Variants in CACNA1D observed in about 807,000 individuals in gnomAD.
CACNA1D encodes calcium voltage-gated channel subunit alpha1 D, also known as voltage-dependent L-type calcium channel subunit alpha-1D.
In CACNA1D, 55 loss-of-function variants were observed where a neutral mutation model predicts 257.1. The observed-to-expected ratio is 0.21, with a 90% CI of 0.17 to 0.27. The LOEUF (loss-of-function observed/expected upper bound fraction) is 0.27, where lower values mean the gene tolerates loss of function less well. CACNA1D is among the 10% of genes least tolerant of loss of function. The probability of loss-of-function intolerance (pLI) is 1.00; values close to 1 mark genes in which losing one functional copy is unlikely to be tolerated. For missense variants in CACNA1D, 1,876 were observed against 2,784.0 expected, an observed-to-expected ratio of 0.67 and a Z score of 7.34; for synonymous variants, 980 against 1,014.9, an observed-to-expected ratio of 0.97 and a Z score of 0.65.
chr3:53,663,777 G>GTCTCTCTC (rs541515346), intron 5 of CACNA1D, among the ~76,000 whole-genome samples: 2,638 of 149,554 alleles, frequency 0.018, 80 homozygotes, highest in African/African-American at 0.061. Flanking sequence ...GGAAATAATC[G>GTCTCTCTC]TCTCTCTCTC....
At chr3:53,535,887 A>G (rs1364228082) in intron 3 of CACNA1D, among the ~76,000 whole-genome samples, 1 of 152,228 alleles carries the variant, frequency 6.6e-6, no homozygotes, top group African/African-American at 2.4e-5. Context: ...CAGAGATAGC[A>G]TCACTTAACC....
At chr3:53,709,225 G>A (rs550167199) in intron 9 of CACNA1D, among the ~76,000 whole-genome samples, 1 of 152,206 alleles carries the variant, frequency 6.6e-6, no homozygotes, top group Non-Finnish European at 1.5e-5. Flanking sequence ...TTCTGTGTGT[G>A]AGACACTGTT....
chr3:53,643,046 T>C (rs2093979202), intron 3 of CACNA1D, among the ~76,000 whole-genome samples: 1 of 152,136 alleles, frequency 6.6e-6, no homozygotes, highest in Non-Finnish European at 1.5e-5. Context: ...ATGAAAGAAC[T>C]GGGAATCAGG....
At chr3:53,578,917 T>TG (rs1267723319) in intron 3 of CACNA1D, among the ~76,000 whole-genome samples, 1 of 152,186 alleles carries the variant, frequency 6.6e-6, no homozygotes, top group Non-Finnish European at 1.5e-5. Context: ...GAGAAGAGGT[T>TG]GGGCCATAGT....
intron 3 of CACNA1D, among the ~76,000 whole-genome samples, chr3:53,561,277 A>G (rs1016790084): frequency 1.3e-5 from 2 of 152,178 alleles, no homozygotes; most frequent in Admixed American, 1.3e-4. Flanking sequence ...CAATAATGGT[A>G]TAGGTCATTG....
At position 53,789,715 on chromosome 3, in the gene CACNA1D, A is replaced by G. The variant is rs2095474164; in HGVS notation, c.4923+2763A>G. Among the ~76,000 whole-genome samples the G allele has an allele frequency of 6.6e-6, 1 of 152,232 alleles. No homozygotes were observed. The highest frequency in any genetic ancestry group is 2.1e-4 in the South Asian group (1 of 4,830). On this transcript the variant is annotated intron_variant, in intron 40 of 47. Coordinates refer to ENST00000350061, the MANE Select transcript of CACNA1D (RefSeq NM_001128840.3). The surrounding 1 kb of genome is among the most constrained non-coding windows in gnomAD (Gnocchi z 4.2). ...TCGCAGTGTGAGCGCAGAAGTGCGGACCTAGGCATGTGCGTGCTTGTGCTG... is the reference window on the plus strand; with the variant it reads ...TCGCAGTGTGAGCGCAGAAGTGCGGGCCTAGGCATGTGCGTGCTTGTGCTG...
At chr3:53,725,722 C>T (rs182841126) in intron 14 of CACNA1D, among the ~76,000 whole-genome samples, 1 of 152,340 alleles carries the variant, frequency 6.6e-6, no homozygotes, top group African/African-American at 2.4e-5. Context: ...TCAGAGCCAT[C>T]AGTAGTGCCT....
At chr3:53,639,263 T>C (rs532124347) in intron 3 of CACNA1D, among the ~76,000 whole-genome samples, 2 of 152,242 alleles carry the variant, frequency 1.3e-5, no homozygotes, top group African/African-American at 4.8e-5. Flanking sequence ...TCTCCACCTA[T>C]CTTACTCTGT....
At chr3:53,738,260 T>C (rs373818588) in intron 20 of CACNA1D, among the ~76,000 whole-genome samples, 2 of 152,236 alleles carry the variant, frequency 1.3e-5, no homozygotes, top group African/African-American at 4.8e-5. Context: ...GCTTCCCATT[T>C]CTGGAGCCTG....
At chr3:53,506,094 G>A (rs1007865403) in intron 3 of CACNA1D, among the ~76,000 whole-genome samples, 1 of 152,206 alleles carries the variant, frequency 6.6e-6, no homozygotes, top group Admixed American at 6.5e-5. Context: ...TAGCCTATAT[G>A]GTGGAGGTTA....
At chr3:53,555,233 T>A (rs2092615863) in intron 3 of CACNA1D, among the ~76,000 whole-genome samples, 1 of 152,238 alleles carries the variant, frequency 6.6e-6, no homozygotes, top group Admixed American at 6.5e-5. Context: ...GATGAATCAA[T>A]GCTGGGATTT....
chr3:53,569,565 T>A (rs1031891023), intron 3 of CACNA1D, among the ~76,000 whole-genome samples: 1 of 152,222 alleles, frequency 6.6e-6, no homozygotes, highest in Non-Finnish European at 1.5e-5. Context: ...CTGTCTCAGG[T>A]CCTGTCTCAA....
intron 3 of CACNA1D, among the ~76,000 whole-genome samples, chr3:53,569,321 A>G (rs953493062): frequency 1.3e-5 from 2 of 152,112 alleles, no homozygotes; most frequent in African/African-American, 4.8e-5. Flanking sequence ...GCCCTGTCCT[A>G]CTTACCCTCC....
At chr3:53,750,673 C>T (rs1279840687) in intron 27 of CACNA1D, among the ~76,000 whole-genome samples, 2 of 152,180 alleles carry the variant, frequency 1.3e-5, no homozygotes, top group Non-Finnish European at 1.5e-5. Flanking sequence ...AGGCCAGCCA[C>T]GCAGAGCCAG....
At chr3:53,654,488 C>T (rs1470205227) in intron 4 of CACNA1D, among the ~76,000 whole-genome samples, 1 of 152,158 alleles carries the variant, frequency 6.6e-6, no homozygotes, top group East Asian at 1.9e-4. Context: ...TAAATATTAT[C>T]TGAAGATAGA....
rs1227464715 is a variant in CACNA1D, at chr3:53,694,187, CCT to C, written c.1221-8449_1221-8448del. 3.3e-5 allele frequency among the ~76,000 whole-genome samples: 5 copies of C among 152,054 alleles called. No homozygotes were observed. The East Asian group carries it at 7.7e-4, about 23-fold the overall frequency. On this transcript the variant is annotated intron_variant, in intron 8 of 47. Transcript: ENST00000350061. ...CCTGGGGCATGTGAGTGTCTGGTGG[CCT>C]CTCTGCAGAACATGAGGCGTGTGCC... is the stretch of plus-strand genomic sequence containing the variant.
In CACNA1D at chr3:53,573,777, T is replaced by C. The variant is rs116501757; in HGVS notation, c.483+72057T>C. Among the ~76,000 whole-genome samples the C allele has an allele frequency of 2.6e-3, 394 of 152,356 alleles. 3 individuals carry two copies. Among genetic ancestry groups the C allele is most frequent in the African/African-American group, 8.4e-3 (348 of 41,576 alleles). ...ATGAATGAATGAATGAATGATTTCATGAACAAAGTGTGTCCAGTCACTGGC... is the reference window on the plus strand; with the variant it reads ...ATGAATGAATGAATGAATGATTTCACGAACAAAGTGTGTCCAGTCACTGGC... On this transcript the variant is annotated intron_variant, in intron 3 of 47. Transcript: ENST00000350061.
At chr3:53,661,574 A>G (rs1330771183) in intron 5 of CACNA1D, among the ~76,000 whole-genome samples, 1 of 152,254 alleles carries the variant, frequency 6.6e-6, no homozygotes, top group Non-Finnish European at 1.5e-5. Flanking sequence ...TAGTTGTTAT[A>G]GCTTAATCTA....
intron 3 of CACNA1D, among the ~76,000 whole-genome samples, chr3:53,507,337 A>G (rs312485): frequency 0.85 from 128,608 of 152,094 alleles, 55,569 homozygotes; most frequent in East Asian, 0.97. Context: ...GGCTGGGCAT[A>G]GTAGCTCATG....
Sources: gnomAD v4.1 joint callset for allele counts (sites outside exome capture counted in the v4.1 genomes callset) on GRCh38, gnomAD v4.1.1 for gene constraint, Gnocchi (gnomAD v3.1) non-coding constraint, MANE v1.5 for transcripts, NCBI Gene and HGNC (gene_info 2026-07-23, HGNC 2026-07-21) for gene names.